Variants in PIP4K2A observed in about 807,000 individuals in gnomAD.
PIP4K2A encodes the protein phosphatidylinositol 5-phosphate 4-kinase type-2 alpha.
In PIP4K2A, 14 loss-of-function variants were observed where a neutral mutation model predicts 42.9. The ratio of observed to expected loss-of-function variants is 0.33; its 90% CI spans 0.22 to 0.51. The LOEUF is 0.51. Ranked by LOEUF, PIP4K2A falls within the 20% of genes least tolerant of loss-of-function variation. PIP4K2A has a pLI of 0.97. For missense variants in PIP4K2A, 434 were observed against 519.8 expected (o/e 0.83, Z 1.61); for synonymous variants, 192 against 192.2 (o/e 1.00, Z 0.01).
chr10:22,629,039 T>G (rs933774549), intron 1 of PIP4K2A, among the ~76,000 whole-genome samples: 1 of 152,174 alleles, frequency 6.6e-6, no homozygotes, highest in African/African-American at 2.4e-5. Context: ...CAGAATTTTG[T>G]TTTTGGTTTA....
intron 9 of PIP4K2A, 63 bp downstream of exon 9, chr10:22,539,907 GA>G (rs1329223936): frequency 6.3e-4 from 99 of 158,350 alleles, no homozygotes; most frequent in East Asian, 1.1e-3. Flanking sequence ...GAGAGAGAGA[GA>G]GAGGGAGAGA....
intron 1 of PIP4K2A, among the ~76,000 whole-genome samples, chr10:22,664,079 A>ATATATATATACG (rs1839270638): frequency 2.5e-5 from 2 of 80,144 alleles, no homozygotes; most frequent in Non-Finnish European, 4.2e-5. Context: ...ATATATACGT[A>ATATATATATACG]TATATATATA....
chr10:22,644,876 C>T (rs1838849306), intron 1 of PIP4K2A, among the ~76,000 whole-genome samples: 1 of 152,176 alleles, frequency 6.6e-6, no homozygotes, highest in African/African-American at 2.4e-5. Flanking sequence ...TTATTTGTTT[C>T]ATGGCAACTT....
At chr10:22,558,353 G>T (rs1025001105) in intron 6 of PIP4K2A, among the ~76,000 whole-genome samples, 7 of 152,160 alleles carry the variant, frequency 4.6e-5, no homozygotes, top group African/African-American at 1.7e-4. Flanking sequence ...TTCTATAAGG[G>T]AAGGAATTTT....
chr10:22,543,783 C>T (rs757464135), intron 7 of PIP4K2A, among the ~76,000 whole-genome samples: 3 of 152,196 alleles, frequency 2.0e-5, no homozygotes, highest in African/African-American at 2.4e-5. Flanking sequence ...GAGTCCTCCA[C>T]CCGCACGGTG....
chr10:22,553,160 G>A (rs554350065), intron 6 of PIP4K2A, among the ~76,000 whole-genome samples: 1 of 152,296 alleles, frequency 6.6e-6, no homozygotes, highest in East Asian at 1.9e-4. Context: ...CTCAAAAAAG[G>A]GCACCCAGAT....
chr10:22,598,495 T>G (rs1306992965), intron 3 of PIP4K2A, among the ~76,000 whole-genome samples: 1 of 152,208 alleles, frequency 6.6e-6, no homozygotes, highest in Non-Finnish European at 1.5e-5. Context: ...AGTTTCAGAT[T>G]GAAAATTCCC....
chr10:22,601,794 G>A (rs970959833), intron 3 of PIP4K2A, among the ~76,000 whole-genome samples: 5 of 151,996 alleles, frequency 3.3e-5, no homozygotes, highest in South Asian at 4.1e-4. Context: ...CTACCACTAC[G>A]GTAAGTCAAC....
rs1308413325 is a variant in PIP4K2A at position 22,714,428 on chromosome 10, C to T, written c.-102G>A. 1 of 760,896 alleles carries T rather than the reference C, an allele frequency of 1.3e-6. No homozygotes were observed. The highest frequency in any genetic ancestry group is 1.9e-5 in the African/African-American group (1 of 52,508). The allele number at this position is 760,896 out of a possible 1,614,324, so 47.1% of individuals were successfully genotyped here. A position where few individuals can be genotyped will look rare whatever the true frequency, so the allele number is the denominator to read the frequency against. On this transcript the variant is annotated 5_prime_UTR_variant, in exon 1 of 10. Coordinates refer to ENST00000376573, the MANE Select transcript of PIP4K2A (RefSeq NM_005028.5). Reference sequence around the variant, plus strand: ...GGCAGCCGCATCCCCCCGGCGGCGGCCCCGGCGCGCCGCGCTCCGCTCCGC... The same window carrying T: ...GGCAGCCGCATCCCCCCGGCGGCGGTCCCGGCGCGCCGCGCTCCGCTCCGC...
chr10:22,634,351 C>T (rs937765116), intron 1 of PIP4K2A, among the ~76,000 whole-genome samples: 13 of 152,170 alleles, frequency 8.5e-5, no homozygotes, highest in Non-Finnish European at 1.9e-4. Flanking sequence ...TATGGTACTT[C>T]TTGTTTATTT....
chr10:22,639,972 G>A (rs1284954296), intron 1 of PIP4K2A, among the ~76,000 whole-genome samples: 1 of 136,646 alleles, frequency 7.3e-6, no homozygotes, highest in African/African-American at 2.7e-5. Context: ...GGTTTACCAA[G>A]AAGAATCAAA....
chr10:22,583,320 T>C (rs978071997), intron 4 of PIP4K2A, among the ~76,000 whole-genome samples: 2 of 152,142 alleles, frequency 1.3e-5, no homozygotes, highest in African/African-American at 2.4e-5. Flanking sequence ...TTAGCTGGTA[T>C]AAAGGCAGGA....
chr10:22,620,855 T>G (rs1838313168), intron 1 of PIP4K2A, among the ~76,000 whole-genome samples: 1 of 152,180 alleles, frequency 6.6e-6, no homozygotes, highest in African/African-American at 2.4e-5. Flanking sequence ...AAAACAACTT[T>G]CCAGAGATCC....
intron 1 of PIP4K2A, among the ~76,000 whole-genome samples, chr10:22,692,627 T>C (rs1021996827): frequency 1.3e-5 from 2 of 152,304 alleles, no homozygotes; most frequent in African/African-American, 4.8e-5. Context: ...CTCTGTAGCT[T>C]AGAATTTGGG....
At chr10:22,701,212 C>G (rs1833709501) in intron 1 of PIP4K2A, among the ~76,000 whole-genome samples, 1 of 152,196 alleles carries the variant, frequency 6.6e-6, no homozygotes, top group Non-Finnish European at 1.5e-5. Flanking sequence ...CAGAAGCTAA[C>G]AGCCCCCAAA....
chr10:22,686,140 GGAAACA>G (rs1302428606), intron 1 of PIP4K2A, among the ~76,000 whole-genome samples: 1 of 152,132 alleles, frequency 6.6e-6, no homozygotes, highest in East Asian at 1.9e-4. Context: ...AAAACAACTT[GGAAACA>G]TGCTGAACCG....
rs11013084 is a variant in PIP4K2A at position 22,660,929 on chromosome 10, C to T, written c.145-51212G>A. Among the ~76,000 whole-genome samples, 4 of 152,254 alleles carry T rather than the reference C, an allele frequency of 2.6e-5. No homozygotes were observed. The East Asian group carries it at 5.8e-4, about 22-fold the overall frequency. On this transcript the variant is annotated intron_variant, in intron 1 of 9. Coordinates refer to ENST00000376573, the MANE Select transcript of PIP4K2A (RefSeq NM_005028.5). ...AAACCTTAAGGTCACTTTACAGACT[C>T]GGTGATAACGACGTGTCAATGTAGG... is the stretch of plus-strand genomic sequence containing the variant.
At chr10:22,610,866 A>G (rs993215714) in intron 1 of PIP4K2A, among the ~76,000 whole-genome samples, 3 of 152,198 alleles carry the variant, frequency 2.0e-5, no homozygotes, top group African/African-American at 7.2e-5. Flanking sequence ...TCCGGAGGAG[A>G]GCAACCCCTG....
At chr10:22,585,000 C>A (rs190916237) in intron 4 of PIP4K2A, among the ~76,000 whole-genome samples, 4 of 152,140 alleles carry the variant, frequency 2.6e-5, no homozygotes, top group African/African-American at 7.2e-5. Flanking sequence ...GGTAGAAAGG[C>A]GGCCTCCACA....
Sources: allele counts gnomAD v4.1 joint callset (sites outside exome capture counted in the v4.1 genomes callset), GRCh38; gene constraint gnomAD v4.1.1; transcripts MANE v1.5; gene names NCBI Gene and HGNC (gene_info 2026-07-23, HGNC 2026-07-21).